HDAC9: variants seen among roughly 807,000 people sequenced by gnomAD.
The protein encoded by HDAC9 is histone deacetylase 9, also known as MEF-2 interacting transcription repressor (MITR) protein.
HDAC9 carries 41 observed loss-of-function variants against 139.4 expected under a neutral mutation model. The ratio of observed to expected loss-of-function variants is 0.29; its 90% CI spans 0.23 to 0.38. HDAC9 has a LOEUF of 0.38. Ranked by LOEUF, HDAC9 falls within the 10% of genes least tolerant of loss-of-function variation. HDAC9 has a pLI of 1.00. For synonymous variants in HDAC9, 517 were observed against 476.2 expected, an observed-to-expected ratio of 1.09 and a Z score of -1.12; for missense variants, 1,147 against 1,297.0, an observed-to-expected ratio of 0.88 and a Z score of 1.78.
chr7:18,131,447 A>G (rs1784999463), intron 1 of HDAC9, among the ~76,000 whole-genome samples: 1 of 152,152 alleles, frequency 6.6e-6, no homozygotes, highest in African/African-American at 2.4e-5. Context: ...TTTCTTGGGA[A>G]ATTAGGGGGT....
chr7:18,371,931 TGCTA>T (rs1784623961), intron 1 of HDAC9, among the ~76,000 whole-genome samples: 1 of 152,192 alleles, frequency 6.6e-6, no homozygotes. Flanking sequence ...TGCTCTTAAC[TGCTA>T]TATCCTGGGC....
intron 1 of HDAC9, among the ~76,000 whole-genome samples, chr7:18,351,506 T>C (rs1782847004): frequency 6.6e-6 from 1 of 152,172 alleles, no homozygotes. Flanking sequence ...ATTTTAAATC[T>C]TATTAATGCT....
chr7:18,159,760 G>A (rs868419275), intron 1 of HDAC9, among the ~76,000 whole-genome samples: 19 of 152,154 alleles, frequency 1.2e-4, no homozygotes, highest in African/African-American at 4.1e-4. Flanking sequence ...GGAAACTAGT[G>A]TATATCAATA....
chr7:18,593,492 C>G (rs1314570074), intron 5 of HDAC9, among the ~76,000 whole-genome samples: 2 of 152,072 alleles, frequency 1.3e-5, no homozygotes, highest in African/African-American at 4.8e-5. Context: ...CATGTACTAT[C>G]TAGCAATTTT....
At chr7:18,269,740 A>G (rs1796233077) in intron 2 of HDAC9, among the ~76,000 whole-genome samples, 1 of 152,098 alleles carries the variant, frequency 6.6e-6, no homozygotes, top group South Asian at 2.1e-4. Flanking sequence ...ATATATACGT[A>G]TATATACATA....
intron 2 of HDAC9, among the ~76,000 whole-genome samples, chr7:18,498,012 C>T (rs1208035961): frequency 6.6e-6 from 1 of 152,082 alleles, no homozygotes; most frequent in Non-Finnish European, 1.5e-5. Context: ...ACAAGATTTT[C>T]AGACAGGGAA....
intron 1 of HDAC9, among the ~76,000 whole-genome samples, chr7:18,353,292 G>T (rs1041665096): frequency 6.6e-6 from 1 of 151,738 alleles, no homozygotes; most frequent in South Asian, 2.1e-4. Context: ...TCTGCAAGCT[G>T]TTTGAGAGCT....
At chr7:18,518,035 A>G (rs553256720) in intron 2 of HDAC9, 2 of 152,268 alleles carry the variant, frequency 1.3e-5, no homozygotes, top group African/African-American at 4.8e-5. Flanking sequence ...TTGTTTTCTC[A>G]TTTGAAATAA....
intron 2 of HDAC9, among the ~76,000 whole-genome samples, chr7:18,531,338 G>A (rs1027339783): frequency 1.3e-5 from 2 of 151,872 alleles, no homozygotes; most frequent in African/African-American, 2.4e-5. Context: ...TAAGGAATGT[G>A]GTTACACTCA....
At chr7:18,544,068 A>G (rs1387804809) in intron 2 of HDAC9, among the ~76,000 whole-genome samples, 1 of 152,194 alleles carries the variant, frequency 6.6e-6, no homozygotes. Flanking sequence ...AAATACTAAG[A>G]GGCAACCTTC....
At chr7:18,676,233 A>G (rs1046107436) in intron 12 of HDAC9, among the ~76,000 whole-genome samples, 1 of 152,002 alleles carries the variant, frequency 6.6e-6, no homozygotes, top group African/African-American at 2.4e-5. Context: ...AGCCAGTCAA[A>G]TTTAGCAGTG....
At chr7:18,687,948 T>G (rs1425835717) in intron 12 of HDAC9, among the ~76,000 whole-genome samples, 2 of 151,788 alleles carry the variant, frequency 1.3e-5, no homozygotes, top group South Asian at 2.1e-4. Context: ...CTTTATAGAA[T>G]TTTTCCCTAA....
At position 18,496,292 on chromosome 7, in the gene HDAC9, C is replaced by A; in HGVS notation, c.-11C>A. 6.2e-7 allele frequency: 1 copy of A among 1,613,164 alleles called. No individual in the cohort carries two copies. Among genetic ancestry groups the A allele is most frequent in the Non-Finnish European group, 8.5e-7 (1 of 1,179,426 alleles). On this transcript the variant is annotated 5_prime_UTR_variant, in exon 2 of 26. Coordinates refer to ENST00000686413, the MANE Select transcript of HDAC9 (RefSeq NM_178425.4). Reference sequence around the variant, plus strand: ...GTGGCTGGACGAGAGCAGCTCTTGGCTCAGCAAAGAATGCACAGTATGATC... The same window carrying A: ...GTGGCTGGACGAGAGCAGCTCTTGGATCAGCAAAGAATGCACAGTATGATC...
At chr7:18,609,326 A>G (rs1380180126) in intron 6 of HDAC9, among the ~76,000 whole-genome samples, 3 of 152,220 alleles carry the variant, frequency 2.0e-5, no homozygotes, top group Admixed American at 6.5e-5. Context: ...TAACTAATGT[A>G]TTAGTTAGCT....
chr7:18,306,229 G>A (rs901319676), intron 1 of HDAC9, among the ~76,000 whole-genome samples: 2 of 152,174 alleles, frequency 1.3e-5, no homozygotes, highest in South Asian at 2.1e-4. Context: ...CCTGAACATC[G>A]TTATTAGTTG....
intron 12 of HDAC9, among the ~76,000 whole-genome samples, chr7:18,705,883 A>AAAAG (rs2129107849): frequency 6.6e-6 from 1 of 150,428 alleles, no homozygotes; most frequent in Admixed American, 6.6e-5. Context: ...ATAAAATAAA[A>AAAAG]GAAATGGTTC....
intron 12 of HDAC9, among the ~76,000 whole-genome samples, chr7:18,680,457 TTGA>T (rs1781816763): frequency 6.6e-6 from 1 of 151,994 alleles, no homozygotes; most frequent in South Asian, 2.1e-4. Context: ...TTAGTGAACC[TTGA>T]TGGGCAGAGG....
chr7:18,311,502 G>A (rs1001369082), intron 1 of HDAC9, among the ~76,000 whole-genome samples: 1 of 151,978 alleles, frequency 6.6e-6, no homozygotes, highest in African/African-American at 2.4e-5. Context: ...ATAAAAAATT[G>A]TGCTATCAGA....
intron 1 of HDAC9, among the ~76,000 whole-genome samples, chr7:18,451,421 GTATA>G (rs879485455): frequency 1.3e-5 from 2 of 148,250 alleles, no homozygotes; most frequent in South Asian, 4.3e-4. Context: ...GTGTGTGTGT[GTATA>G]TATATGTGTG....
Sources: gnomAD v4.1 joint callset for allele counts (sites outside exome capture counted in the v4.1 genomes callset) on GRCh38, gnomAD v4.1.1 for gene constraint, MANE v1.5 for transcripts, NCBI Gene and HGNC (gene_info 2026-07-23, HGNC 2026-07-21) for gene names.